Variants in ZNF423 observed in about 807,000 individuals in gnomAD.
ZNF423 encodes Ebf-associated zinc finger protein.
ZNF423 carries 12 observed loss-of-function variants against 95.8 expected under a neutral mutation model. The ratio of observed to expected loss-of-function variants is 0.13; its 90% CI spans 0.08 to 0.20. The LOEUF is 0.20. ZNF423 is among the 10% of genes least tolerant of loss of function. ZNF423 has a pLI of 1.00. For synonymous variants in ZNF423, 749 were observed against 711.9 expected (o/e 1.05, Z -0.83); for missense variants, 1,316 against 1,737.1 (o/e 0.76, Z 4.31).
At chr16:49,783,185 T>C (rs910048353) in intron 2 of ZNF423, among the ~76,000 whole-genome samples, 1 of 151,860 alleles carries the variant, frequency 6.6e-6, no homozygotes, top group African/African-American at 2.4e-5. Flanking sequence ...TGTGTCTCCC[T>C]GCCAGGCTGG....
intron 7 of ZNF423, among the ~76,000 whole-genome samples, chr16:49,523,401 T>C (rs747596773): frequency 3.9e-5 from 6 of 152,252 alleles, no homozygotes; most frequent in Non-Finnish European, 8.8e-5. Flanking sequence ...AGCTTCTGAC[T>C]CCTGCTCTGG....
intron 1 of ZNF423, among the ~76,000 whole-genome samples, chr16:49,829,246 G>T (rs1168504681): frequency 1.3e-5 from 2 of 152,184 alleles, no homozygotes; most frequent in Non-Finnish European, 2.9e-5. Flanking sequence ...CTTACAATCT[G>T]GCATTGGCAA....
chr16:49,592,181 A>G (rs998781675), intron 5 of ZNF423, among the ~76,000 whole-genome samples: 1 of 152,254 alleles, frequency 6.6e-6, no homozygotes, highest in African/African-American at 2.4e-5. Flanking sequence ...AACTGTATCT[A>G]TGCATGTGTG....
chr16:49,522,067 T>C (rs1186185392), intron 7 of ZNF423, among the ~76,000 whole-genome samples: 1 of 152,146 alleles, frequency 6.6e-6, no homozygotes. Context: ...CTGCATGGTG[T>C]AAGTGGCCCC....
intron 5 of ZNF423, among the ~76,000 whole-genome samples, chr16:49,594,282 T>C (rs375426667): frequency 2.3e-4 from 35 of 152,198 alleles, no homozygotes; most frequent in African/African-American, 8.2e-4. Context: ...TGGAATCTCT[T>C]CCCTGCCTCC....
chr16:49,858,394 G>A (rs1210632317), upstream of ZNF423, among the ~76,000 whole-genome samples: 1 of 151,972 alleles, frequency 6.6e-6, no homozygotes, highest in Non-Finnish European at 1.5e-5. The surrounding 1 kb of genome is among the most constrained non-coding windows in gnomAD (Gnocchi z 4.3). Flanking sequence ...TGCCACCCAC[G>A]CACCCCCGCG....
intron 1 of ZNF423, among the ~76,000 whole-genome samples, chr16:49,846,299 CAAAAAAAAA>C (rs11338195): frequency 1.3e-5 from 1 of 76,364 alleles, no homozygotes; most frequent in South Asian, 5.0e-4. Context: ...GACTCTGTCT[CAAAAAAAAA>C]AAAAAAAAAA....
At chr16:49,787,944 G>A (rs142228489) in intron 2 of ZNF423, among the ~76,000 whole-genome samples, 215 of 152,326 alleles carry the variant, frequency 1.4e-3, no homozygotes, top group African/African-American at 5.0e-3. Context: ...AGGACTACAT[G>A]TCTGAGACAC....
At chr16:49,610,671 CATT>C (rs1225707230) in intron 5 of ZNF423, among the ~76,000 whole-genome samples, 1 of 151,976 alleles carries the variant, frequency 6.6e-6, no homozygotes, top group Admixed American at 6.6e-5. Flanking sequence ...TCTCACATAT[CATT>C]AACAACATTA....
At chr16:49,808,216 C>T (rs539183477) in intron 1 of ZNF423, among the ~76,000 whole-genome samples, 1 of 152,172 alleles carries the variant, frequency 6.6e-6, no homozygotes, top group African/African-American at 2.4e-5. Context: ...TGTGCACTAC[C>T]ACACCTACCT....
Position 49,852,250 on chromosome 16 carries a change from C to T in ZNF423, c.40+3485G>A, listed in dbSNP as rs187437585. On this transcript the variant is annotated intron_variant, in intron 1 of 7. Coordinates refer to ENST00000563137, the MANE Select transcript of ZNF423 (RefSeq NM_001379286.1). ...GGGTACTTTGGGACGTTGGGGTGGG[C>T]GGGTGTATGGACATAGCCTGAGCGC... 3.2e-3 allele frequency among the ~76,000 whole-genome samples: 478 copies of T among 151,560 alleles called. 5 individuals are homozygous for T. The highest frequency in any genetic ancestry group is 5.1e-3 in the Admixed American group (77 of 15,210).
intron 3 of ZNF423, among the ~76,000 whole-genome samples, chr16:49,662,387 C>T (rs1414218598): frequency 6.6e-6 from 1 of 152,202 alleles, no homozygotes; most frequent in Non-Finnish European, 1.5e-5. Flanking sequence ...ACAGGACCCT[C>T]TGACTCCAAC....
intron 4 of ZNF423, among the ~76,000 whole-genome samples, chr16:49,629,234 A>C (rs758311228): frequency 1.3e-5 from 2 of 152,146 alleles, no homozygotes; most frequent in Non-Finnish European, 2.9e-5. Context: ...TTTATAGTCC[A>C]GGCCCTGTAG....
intron 7 of ZNF423, among the ~76,000 whole-genome samples, chr16:49,513,672 TGGAC>T (rs577147029): frequency 0.016 from 919 of 55,778 alleles, 11 homozygotes; most frequent in Middle Eastern, 0.04. Flanking sequence ...GATGGATGGA[TGGAC>T]GGACGGATGG....
Position 49,635,821 on chromosome 16 carries a change from C to G in ZNF423, c.3355G>C (p.Glu1119Gln). Reference sequence around the variant, plus strand: ...CCGGCACAGGGCCGGTCGGCGGGCTCGGGCGGGGCCAGGCCACCCACCTGT... The same window carrying G: ...CCGGCACAGGGCCGGTCGGCGGGCTGGGGCGGGGCCAGGCCACCCACCTGT... ...NGQVGGLAPP[E>Q]PADRPCAGLR... Residue 1119 changes from glutamate to glutamine, a missense_variant, in exon 4 of 8, where the codon GAG becomes CAG. Coordinates refer to ENST00000563137, the MANE Select transcript of ZNF423 (RefSeq NM_001379286.1). The surrounding 1 kb of genome is among the most constrained non-coding windows in gnomAD (Gnocchi z 4.8). The G allele has an allele frequency of 6.2e-7, 1 of 1,608,586 alleles. No homozygotes were observed. Among genetic ancestry groups the G allele is most frequent in the Non-Finnish European group, 8.5e-7 (1 of 1,178,072 alleles).
intron 3 of ZNF423, among the ~76,000 whole-genome samples, chr16:49,646,287 G>A (rs532119814): frequency 8.3e-4 from 126 of 152,278 alleles, no homozygotes; most frequent in Non-Finnish European, 1.3e-3. Context: ...TTCCAGACAC[G>A]AAATGATCCA....
intron 1 of ZNF423, among the ~76,000 whole-genome samples, chr16:49,813,022 G>A (rs764616564): frequency 1.4e-4 from 22 of 152,092 alleles, no homozygotes; most frequent in Non-Finnish European, 2.4e-4. Context: ...ACCACCAGGG[G>A]CACCCACACT....
Position 49,506,083 on chromosome 16 carries a change from T to C in ZNF423, c.3850-14779A>G, listed in dbSNP as rs1241792992. On this transcript the variant is annotated intron_variant, in intron 7 of 7. Transcript: ENST00000563137. Reference sequence around the variant, plus strand: ...GTGTGTGTGTATGTGTGTGTAGGTATATGCACAGTTTTAAAGTAAGGAGAG... The same window carrying C: ...GTGTGTGTGTATGTGTGTGTAGGTACATGCACAGTTTTAAAGTAAGGAGAG... Among the ~76,000 whole-genome samples, 9 of 152,322 alleles carry C rather than the reference T, an allele frequency of 5.9e-5. No individual in the cohort carries two copies. The East Asian group carries it at 1.7e-3, about 29-fold the overall frequency.
chr16:49,720,477 C>A (rs2032832947), intron 3 of ZNF423, among the ~76,000 whole-genome samples: 1 of 152,304 alleles, frequency 6.6e-6, no homozygotes, highest in Admixed American at 6.5e-5. Flanking sequence ...TAAGCTACCA[C>A]CTCCCTGTGT....
Sources: gnomAD v4.1 joint callset for allele counts (sites outside exome capture counted in the v4.1 genomes callset) on GRCh38, gnomAD v4.1.1 for gene constraint, Gnocchi (gnomAD v3.1) non-coding constraint, MANE v1.5 for transcripts, NCBI Gene and HGNC (gene_info 2026-07-23, HGNC 2026-07-21) for gene names.